PNPLA1: variants seen among roughly 807,000 people sequenced by gnomAD.
PNPLA1 encodes patatin like domain 1, omega-hydroxyceramide transacylase.
In PNPLA1, 36 loss-of-function variants were observed where a neutral mutation model predicts 51.7. That is an observed-to-expected ratio of 0.70 (90% confidence interval 0.53 to 0.92). The LOEUF (loss-of-function observed/expected upper bound fraction) is 0.92, where lower values mean the gene tolerates loss of function less well. PNPLA1 is among the 40% of genes least tolerant of loss of function. The probability of loss-of-function intolerance (pLI) is 0.00; values close to 1 mark genes in which losing one functional copy is unlikely to be tolerated. For missense variants in PNPLA1, 658 were observed against 682.5 expected (o/e 0.96, Z 0.40); for synonymous variants, 293 against 280.1 (o/e 1.05, Z -0.46).
chr6:36,255,360 C>T (rs2127314526), intron 1 of PNPLA1, among the ~76,000 whole-genome samples: 1 of 152,298 alleles, frequency 6.6e-6, no homozygotes, highest in South Asian at 2.1e-4. Flanking sequence ...CAAAAATTAG[C>T]TGGGCATGGT....
chr6:36,245,400 C>T (rs1412233221), intron 1 of PNPLA1, among the ~76,000 whole-genome samples: 1 of 152,112 alleles, frequency 6.6e-6, no homozygotes, highest in Admixed American at 6.5e-5. Context: ...TTTTGAAAAG[C>T]TATTATTTCC....
In PNPLA1 at chr6:36,274,128, T is replaced by C. The variant is rs191809546; in HGVS notation, c.205+3464T>C. Among the ~76,000 whole-genome samples the C allele has an allele frequency of 5.4e-4, 83 of 152,350 alleles. 2 individuals carry two copies. Among genetic ancestry groups the C allele is most frequent in the Middle Eastern group, 6.8e-3 (2 of 294 alleles). ...CCGTTCTACCTCTGGCATATTAACTTGTTCAGTCCTCACAACAGCCCTCCC... is the reference window on the plus strand; with the variant it reads ...CCGTTCTACCTCTGGCATATTAACTCGTTCAGTCCTCACAACAGCCCTCCC... On this transcript the variant is annotated intron_variant, in intron 1 of 8. Transcript: ENST00000636260.
intron 3 of PNPLA1, 90 bp downstream of exon 3, chr6:36,293,216 T>C: frequency 7.6e-7 from 1 of 1,313,852 alleles, no homozygotes; most frequent in South Asian, 1.2e-5. Flanking sequence ...GGGGGTGGTC[T>C]CAGAATGCAG....
At chr6:36,264,848 C>G (rs572253027) in intron 1 of PNPLA1, among the ~76,000 whole-genome samples, 2 of 152,328 alleles carry the variant, frequency 1.3e-5, no homozygotes, top group South Asian at 4.1e-4. Context: ...AGGAAGCCAG[C>G]AAGCTTCTCA....
rs760196534 is a variant in PNPLA1 at position 36,270,681 on chromosome 6, G to A, written c.205+17G>A. ...TTGAAATGGGTGAGGCCTGTGTTCT[G>A]GGTCCCCTGGGAAGTCTCTTGGGGG... On this transcript the variant is annotated intron_variant, in intron 1 of 8. Coordinates refer to ENST00000636260, the MANE Select transcript of PNPLA1 (RefSeq NM_001374623.1). 3 of 1,549,292 alleles carry A rather than the reference G, an allele frequency of 1.9e-6. No individual in the cohort carries two copies. Among genetic ancestry groups the A allele is most frequent in the Admixed American group, 2.0e-5 (1 of 50,972 alleles).
intron 1 of PNPLA1, among the ~76,000 whole-genome samples, chr6:36,249,224 A>C (rs1344050355): frequency 6.6e-6 from 1 of 152,240 alleles, no homozygotes; most frequent in Non-Finnish European, 1.5e-5. Flanking sequence ...TCATCTCGGT[A>C]CATCCCAGCT....
chr6:36,278,479 G>A (rs1214874236), intron 1 of PNPLA1, among the ~76,000 whole-genome samples: 1 of 152,158 alleles, frequency 6.6e-6, no homozygotes, highest in Non-Finnish European at 1.5e-5. Flanking sequence ...TTTAGACCCT[G>A]GGAGAGAAAG....
intron 1 of PNPLA1, among the ~76,000 whole-genome samples, chr6:36,281,581 T>C (rs1770283905): frequency 6.6e-6 from 1 of 152,210 alleles, no homozygotes; most frequent in Non-Finnish European, 1.5e-5. Flanking sequence ...CCCAGGTTTA[T>C]ACAACAGAGC....
At chr6:36,250,162 T>C (rs912965263) in intron 1 of PNPLA1, among the ~76,000 whole-genome samples, 1 of 152,202 alleles carries the variant, frequency 6.6e-6, no homozygotes, top group African/African-American at 2.4e-5. Flanking sequence ...TGTTCTGCCA[T>C]GTGATCATGC....
chr6:36,295,450 A>G lies in PNPLA1; in HGVS notation c.775+26A>G, dbSNP rs777548720. The G allele has an allele frequency of 5.0e-6, 8 of 1,610,974 alleles. No homozygotes were observed. In the African/African-American group the frequency reaches 9.4e-5, roughly 19 times the overall value. ...GTAAGTACCGGTGGGGCCCCAGGTA[A>G]GGGCAGTGTTGGAGGGTAGGGAAAG... On this transcript the variant is annotated intron_variant, in intron 5 of 8. Coordinates refer to ENST00000636260, the MANE Select transcript of PNPLA1 (RefSeq NM_001374623.1).
At chr6:36,291,584 G>T in intron 2 of PNPLA1, 32 bp downstream of exon 2, 1 of 1,115,014 alleles carries the variant, frequency 9.0e-7, no homozygotes, top group Non-Finnish European at 1.3e-6. Context: ...GGAGGGACAC[G>T]GAGGGGGCGG....
upstream of PNPLA1, among the ~76,000 whole-genome samples, chr6:36,268,974 C>T (rs1446223756): frequency 1.3e-5 from 2 of 151,942 alleles, no homozygotes; most frequent in East Asian, 1.9e-4. Flanking sequence ...CATGCATACA[C>T]ACGCATGTAC....
chr6:36,302,045 A>T lies in PNPLA1; in HGVS notation c.960A>T (p.Gly320=), dbSNP rs774988230. The T allele has an allele frequency of 6.2e-7, 1 of 1,614,100 alleles. No individual in the cohort carries two copies. Among genetic ancestry groups the T allele is most frequent in the African/African-American group, 1.3e-5 (1 of 74,930 alleles). The change falls in exon 6 of 9, where the codon GGA becomes GGT. Residue 320 remains glycine, a synonymous_variant. Coordinates refer to ENST00000636260, the MANE Select transcript of PNPLA1 (RefSeq NM_001374623.1). ...PHKEWVPKGD[G]RGSHGPPVSQ... is the part of the protein sequence containing the mutation. ...AGGAGTGGGTTCCCAAAGGGGATGG[A>T]AGGGGCAGCCATGGTCCGCCTGTGT...
chr6:36,261,760 G>A (rs1212926885), intron 1 of PNPLA1, among the ~76,000 whole-genome samples: 1 of 152,220 alleles, frequency 6.6e-6, no homozygotes, highest in Admixed American at 6.5e-5. Context: ...AAGGCACAGA[G>A]ATGTCAAATA....
chr6:36,307,803 A>G (rs543359138), intron 8 of PNPLA1, 91 bp downstream of exon 8: 1 of 1,515,060 alleles, frequency 6.6e-7, no homozygotes, highest in Non-Finnish European at 8.9e-7. Flanking sequence ...AGGAGAGTGT[A>G]AGGGAGTAGG....
rs116179532 is a variant in PNPLA1, at chr6:36,297,989, G to A, written c.775+2565G>A. On this transcript the variant is annotated intron_variant, in intron 5 of 8. Coordinates refer to ENST00000636260, the MANE Select transcript of PNPLA1 (RefSeq NM_001374623.1). Reference sequence around the variant, plus strand: ...TCCCTCCCACCTTCCCTCACCCCCCGCCATTCCCAAGCAACCCCTGATCTG... The same window carrying A: ...TCCCTCCCACCTTCCCTCACCCCCCACCATTCCCAAGCAACCCCTGATCTG... 6.8e-3 allele frequency among the ~76,000 whole-genome samples: 1,024 copies of A among 150,930 alleles called. 6 individuals carry two copies. Among genetic ancestry groups the A allele is most frequent in the Non-Finnish European group, 0.012 (800 of 67,804 alleles).
chr6:36,293,814 G>A (rs2127346353), intron 3 of PNPLA1, among the ~76,000 whole-genome samples: 1 of 152,332 alleles, frequency 6.6e-6, no homozygotes, highest in African/African-American at 2.4e-5. Context: ...CCCCAGAAAG[G>A]AAGGGGCTTG....
intron 1 of PNPLA1, among the ~76,000 whole-genome samples, chr6:36,286,666 G>C (rs1185277405): frequency 6.6e-6 from 1 of 152,094 alleles, no homozygotes; most frequent in African/African-American, 2.4e-5. Context: ...AAATCTCCCA[G>C]TCTCAACATC....
At position 36,270,322 on chromosome 6, in the gene PNPLA1, T is replaced by C. The variant is rs1012331514; in HGVS notation, c.-138T>C. 4 of 867,364 alleles carry C rather than the reference T, an allele frequency of 4.6e-6. No individual in the cohort carries two copies. The Admixed American group carries it at 6.7e-5, about 15-fold the overall frequency. The allele number at this position is 867,364 out of a possible 1,614,324, so 53.7% of individuals were successfully genotyped here. ...GCAGCCTGTGGTTGCTCCAGCCGGG[T>C]AGAGACAGCCACATTCCAAGCTCCG... On this transcript the variant is annotated 5_prime_UTR_variant, in exon 1 of 9. Transcript: ENST00000636260.
Sources: allele counts gnomAD v4.1 joint callset (sites outside exome capture counted in the v4.1 genomes callset), GRCh38; gene constraint gnomAD v4.1.1; transcripts MANE v1.5; gene names NCBI Gene and HGNC (gene_info 2026-07-23, HGNC 2026-07-21).